OVAAL: variants seen among roughly 807,000 people sequenced by gnomAD.
The protein encoded by OVAAL is long intergenic non-protein coding RNA 1131.
At position 180,559,904 on chromosome 1, in the gene OVAAL, TAAAA is replaced by T. The variant is rs35042780; in HGVS notation, n.373-2286_373-2283del. On this transcript the variant is annotated intron_variant and non_coding_transcript_variant, in intron 1 of 2. Transcript: ENST00000673955. Reference sequence around the variant, plus strand: ...CTGGGTGACAGAGCCAGACTCCATTTAAAAAAAAAAAAAAAAAGAATGACTGAAA... The same window carrying T: ...CTGGGTGACAGAGCCAGACTCCATTTAAAAAAAAAAAAAGAATGACTGAAA... Among the ~76,000 whole-genome samples, 961 of 140,308 alleles carry T rather than the reference TAAAA, an allele frequency of 6.8e-3. 13 individuals are homozygous for T. Among genetic ancestry groups the T allele is most frequent in the African/African-American group, 0.024 (899 of 37,954 alleles). 92.0% of individuals were successfully genotyped at this position (140,308 alleles called of 152,430 possible).
In OVAAL at chr1:180,559,816, G is replaced by A. The variant is rs1653169693; in HGVS notation, n.373-2388G>A. Among the ~76,000 whole-genome samples, 6 of 151,310 alleles carry A rather than the reference G, an allele frequency of 4.0e-5. No individual in the cohort carries two copies. The South Asian group carries it at 8.3e-4, about 21-fold the overall frequency. On this transcript the variant is annotated intron_variant and non_coding_transcript_variant, in intron 1 of 2. Coordinates refer to ENST00000673955, the Ensembl canonical transcript of OVAAL. ...AGCTACTCAGGAGGCTGAGGCAGGA[G>A]AATCACTTGAAACTGGGAGGCGGAG... is the stretch of plus-strand genomic sequence containing the variant.
intron 2 of OVAAL, among the ~76,000 whole-genome samples, chr1:180,563,923 G>C (rs559448922): frequency 6.6e-6 from 1 of 152,240 alleles, no homozygotes; most frequent in East Asian, 1.9e-4. Flanking sequence ...TAGAGAGACA[G>C]TTAACAATGG....
chr1:180,565,539 T>G (rs1653275467), exon 3 of OVAAL: 1 of 152,134 alleles, frequency 6.6e-6, no homozygotes, highest in African/African-American at 2.4e-5. Flanking sequence ...GCTTTCCAAA[T>G]GGTAATAAGA....
At chr1:180,559,920 A>G (rs1653171755) in intron 1 of OVAAL, among the ~76,000 whole-genome samples, 1 of 151,322 alleles carries the variant, frequency 6.6e-6, no homozygotes, top group East Asian at 1.9e-4. Context: ...AAAAAAAAAA[A>G]AGAATGACTG....
At chr1:180,561,831 T>C (rs1341441309) in intron 1 of OVAAL, among the ~76,000 whole-genome samples, 1 of 152,128 alleles carries the variant, frequency 6.6e-6, no homozygotes, top group Non-Finnish European at 1.5e-5. Context: ...GAGATCAGCC[T>C]GGCCAAAGTG....
intron 2 of OVAAL, among the ~76,000 whole-genome samples, chr1:180,563,818 A>G (rs1323110331): frequency 6.6e-6 from 1 of 152,070 alleles, no homozygotes; most frequent in Non-Finnish European, 1.5e-5. Context: ...AACTCCTGGG[A>G]TCTTATCAGG....
At chr1:180,565,540 G>A (rs1238080531) in exon 3 of OVAAL, 1 of 152,204 alleles carries the variant, frequency 6.6e-6, no homozygotes, top group East Asian at 1.9e-4. Flanking sequence ...CTTTCCAAAT[G>A]GTAATAAGAA....
intron 2 of OVAAL, among the ~76,000 whole-genome samples, chr1:180,564,793 T>C (rs1279312556): frequency 6.6e-6 from 1 of 152,090 alleles, no homozygotes; most frequent in Non-Finnish European, 1.5e-5. Flanking sequence ...CCTGGCTGCA[T>C]ATTAGAATTG....
chr1:180,566,050 T>C (rs577606185), exon 3 of OVAAL: 1 of 152,336 alleles, frequency 6.6e-6, no homozygotes, highest in South Asian at 2.1e-4. Context: ...AATAGGCTAG[T>C]GCAAATGGAG....
intron 2 of OVAAL, among the ~76,000 whole-genome samples, chr1:180,563,826 A>G (rs1653248858): frequency 6.6e-6 from 1 of 152,144 alleles, no homozygotes; most frequent in Non-Finnish European, 1.5e-5. Flanking sequence ...GGATCTTATC[A>G]GGAAGCTGAT....
intron 1 of OVAAL, among the ~76,000 whole-genome samples, chr1:180,560,971 T>A (rs1019676381): frequency 2.5e-4 from 38 of 152,298 alleles, no homozygotes; most frequent in African/African-American, 8.9e-4. Flanking sequence ...GTAAGTCATC[T>A]TAGGGTAGGG....
chr1:180,561,457 A>G (rs1653197597), intron 1 of OVAAL, among the ~76,000 whole-genome samples: 1 of 115,330 alleles, frequency 8.7e-6, no homozygotes, highest in African/African-American at 3.3e-5. Context: ...TTTGGGGAAC[A>G]GGAGATCCAT....
chr1:180,562,821 A>G (rs1653231638), intron 2 of OVAAL, among the ~76,000 whole-genome samples: 1 of 152,240 alleles, frequency 6.6e-6, no homozygotes, highest in Non-Finnish European at 1.5e-5. Context: ...AGGCCACTAT[A>G]GTTAGAGTGA....
intron 1 of OVAAL, among the ~76,000 whole-genome samples, chr1:180,561,765 G>A (rs566082470): frequency 4.6e-5 from 7 of 152,102 alleles, no homozygotes; most frequent in Non-Finnish European, 8.8e-5. Context: ...GCTCACGCCT[G>A]TAATCCTAGC....
intron 2 of OVAAL, among the ~76,000 whole-genome samples, chr1:180,563,115 C>A (rs1653236329): frequency 6.6e-6 from 1 of 152,172 alleles, no homozygotes; most frequent in Non-Finnish European, 1.5e-5. Flanking sequence ...GGGTTCAGGG[C>A]ATGCTTATGG....
Position 180,559,636 on chromosome 1 carries a change from G to A in OVAAL, n.373-2568G>A, listed in dbSNP as rs187255204. Among the ~76,000 whole-genome samples the A allele has an allele frequency of 3.6e-3, 546 of 152,218 alleles. 1 individual carries two copies. Among genetic ancestry groups the A allele is most frequent in the African/African-American group, 0.012 (513 of 41,546 alleles). ...GGAAAAGAAAAACCCGGCCGGGCAC[G>A]GTGGTTCATGCCTGTAATCCCAGCA... On this transcript the variant is annotated intron_variant and non_coding_transcript_variant, in intron 1 of 2. Transcript: ENST00000673955.
At chr1:180,559,954 C>T (rs1199028449) in intron 1 of OVAAL, among the ~76,000 whole-genome samples, 2 of 150,390 alleles carry the variant, frequency 1.3e-5, no homozygotes, top group East Asian at 3.9e-4. Flanking sequence ...CTCAGGAAAG[C>T]AAAATAATAG....
At chr1:180,562,457 G>A (rs1301399992) in intron 2 of OVAAL, 1 of 152,168 alleles carries the variant, frequency 6.6e-6, no homozygotes, top group African/African-American at 2.4e-5. Context: ...AGGGTCTCAG[G>A]TATAACGTCC....
intron 1 of OVAAL, among the ~76,000 whole-genome samples, chr1:180,561,782 G>T (rs1051782391): frequency 6.6e-6 from 1 of 152,074 alleles, no homozygotes; most frequent in African/African-American, 2.4e-5. Context: ...TAGCACTTTG[G>T]GAGGCAGAGG....
Sources: allele counts gnomAD v4.1 joint callset (sites outside exome capture counted in the v4.1 genomes callset), GRCh38; gene constraint gnomAD v4.1.1; transcripts MANE v1.5; gene names NCBI Gene and HGNC (gene_info 2026-07-23, HGNC 2026-07-21).